The following DCPS variants were observed in gnomAD, a reference collection of about 807,000 sequenced individuals.
The protein encoded by DCPS is m7GpppX diphosphatase.
A neutral mutation model predicts 34.7 loss-of-function variants in DCPS; 27 were observed. That is an observed-to-expected ratio of 0.78 (90% CI 0.57 to 1.07). DCPS has a LOEUF of 1.07. Among genes scored for constraint, DCPS ranks in the 50% least tolerant of loss-of-function variants. The probability of loss-of-function intolerance (pLI) is 0.00; values close to 1 mark genes in which losing one functional copy is unlikely to be tolerated. For missense variants in DCPS, 464 were observed against 436.9 expected, an observed-to-expected ratio of 1.06 and a Z score of -0.55; for synonymous variants, 185 against 185.7, an observed-to-expected ratio of 1.00 and a Z score of 0.03.
At chr11:126,330,653 C>T (rs1951776164) in intron 2 of DCPS, among the ~76,000 whole-genome samples, 1 of 139,750 alleles carries the variant, frequency 7.2e-6, no homozygotes, top group Non-Finnish European at 1.5e-5. Flanking sequence ...CTCTGCTGCA[C>T]TGCCCATCAT....
In DCPS at chr11:126,322,719, A is replaced by T. The variant is rs1270646768; in HGVS notation, c.377-8686A>T. Among the ~76,000 whole-genome samples the T allele has an allele frequency of 6.6e-6, 1 of 151,702 alleles. No individual in the cohort carries two copies. The highest frequency in any genetic ancestry group is 1.5e-5 in the Non-Finnish European group (1 of 67,992). Reference sequence around the variant, plus strand: ...GTGATTCTCCTGCCTCAGCTTCCTGAGTAGCTGGGACTACAGGCGCGTGCC... The same window carrying T: ...GTGATTCTCCTGCCTCAGCTTCCTGTGTAGCTGGGACTACAGGCGCGTGCC... On this transcript the variant is annotated intron_variant, in intron 2 of 5. Coordinates refer to ENST00000263579, the MANE Select transcript of DCPS (RefSeq NM_014026.6). The surrounding 1 kb of genome is among the most constrained non-coding windows in gnomAD (Gnocchi z 4.2).
At chr11:126,308,787 ATTC>A (rs1951594595) in intron 2 of DCPS, among the ~76,000 whole-genome samples, 1 of 148,788 alleles carries the variant, frequency 6.7e-6, no homozygotes, top group Non-Finnish European at 1.5e-5. Context: ...ACCCTGTGGA[ATTC>A]ACAGGCTGTC....
In DCPS at chr11:126,333,063, G is replaced by A. The variant is rs529936192; in HGVS notation, c.522+1513G>A. The stretch of plus-strand genomic sequence containing the variant: ...TTGCCATGTTGCTCAGGCTGGCCTC[G>A]AACTCCTGAGCTCAGGCAGTCCGCC... On this transcript the variant is annotated intron_variant, in intron 3 of 5. Transcript: ENST00000263579. The surrounding 1 kb of genome is among the most constrained non-coding windows in gnomAD (Gnocchi z 5.7). 1.4e-4 allele frequency among the ~76,000 whole-genome samples: 22 copies of A among 152,074 alleles called. No individual in the cohort carries two copies. The highest frequency in any genetic ancestry group is 7.7e-4 in the East Asian group (4 of 5,168).
chr11:126,332,358 T>C lies in DCPS; in HGVS notation c.522+808T>C, dbSNP rs1481481038. 1.3e-5 allele frequency among the ~76,000 whole-genome samples: 2 copies of C among 152,210 alleles called. No individual in the cohort carries two copies. The highest frequency in any genetic ancestry group is 4.8e-5 in the African/African-American group (2 of 41,454). On this transcript the variant is annotated intron_variant, in intron 3 of 5. Transcript: ENST00000263579. This position sits in a 1 kb window ranked among gnomAD's most constrained non-coding sequence, Gnocchi z 5.4. ...GAGCCTCTGCCTGGAACTGGCCCCA[T>C]GTGAGTACTCAGAGTTAAATATGAC...
rs1325364896 is a variant in DCPS, at chr11:126,348,486, G to C, written c.*2873G>C. Among the ~76,000 whole-genome samples the C allele has an allele frequency of 6.6e-6, 1 of 152,204 alleles. No individual in the cohort carries two copies. The highest frequency in any genetic ancestry group is 1.5e-5 in the Non-Finnish European group (1 of 68,032). On this transcript the variant is annotated 3_prime_UTR_variant, in exon 6 of 6. Transcript: ENST00000263579. The surrounding 1 kb of genome is among the most constrained non-coding windows in gnomAD (Gnocchi z 5.3). ...TGCTGTAATCTCCAGGGACCCTGCC[G>C]GCCACGGCCCCCATGCAGCTCCCTC...
In DCPS at chr11:126,327,484, T is replaced by C. The variant is rs543799186; in HGVS notation, c.377-3921T>C. Among the ~76,000 whole-genome samples, 2 of 152,310 alleles carry C rather than the reference T, an allele frequency of 1.3e-5. No individual in the cohort carries two copies. The highest frequency in any genetic ancestry group is 1.3e-4 in the Admixed American group (2 of 15,300). Reference sequence around the variant, plus strand: ...TTCCCTTTGTAATTAATAAGTAATCTATGGGAGATATTTTTGAGACTGTGC... The same window carrying C: ...TTCCCTTTGTAATTAATAAGTAATCCATGGGAGATATTTTTGAGACTGTGC... On this transcript the variant is annotated intron_variant, in intron 2 of 5. Coordinates refer to ENST00000263579, the MANE Select transcript of DCPS (RefSeq NM_014026.6). This position sits in a 1 kb window ranked among gnomAD's most constrained non-coding sequence, Gnocchi z 4.1.
intron 2 of DCPS, among the ~76,000 whole-genome samples, chr11:126,330,545 C>T (rs1211618534): frequency 6.6e-6 from 1 of 151,506 alleles, no homozygotes; most frequent in Non-Finnish European, 1.5e-5. Context: ...CTGAACCGTG[C>T]TCCCGGGTGG....
rs1237569337 is a variant in DCPS, at chr11:126,335,119, G to C, written c.523-3167G>C. 6.6e-6 allele frequency among the ~76,000 whole-genome samples: 1 copy of C among 152,260 alleles called. No homozygotes were observed. The highest frequency in any genetic ancestry group is 1.5e-5 in the Non-Finnish European group (1 of 68,042). On this transcript the variant is annotated intron_variant, in intron 3 of 5. Transcript: ENST00000263579. This position sits in a 1 kb window ranked among gnomAD's most constrained non-coding sequence, Gnocchi z 4.8. The stretch of plus-strand genomic sequence containing the variant: ...AGAGGGACAGGCACAGCAATGGGCA[G>C]AGCTAAGACACCTGGGAGACGTGGC...
In DCPS at chr11:126,327,395, G is replaced by T. The variant is rs1004308823; in HGVS notation, c.377-4010G>T. On this transcript the variant is annotated intron_variant, in intron 2 of 5. Coordinates refer to ENST00000263579, the MANE Select transcript of DCPS (RefSeq NM_014026.6). This position sits in a 1 kb window ranked among gnomAD's most constrained non-coding sequence, Gnocchi z 4.1. ...ACATGATGTCGGCGTGCCCAGCAGG[G>T]GTGACGGTGACGCCCATGGCCTGGC... Among the ~76,000 whole-genome samples, 3 of 152,210 alleles carry T rather than the reference G, an allele frequency of 2.0e-5. No individual in the cohort carries two copies. The highest frequency in any genetic ancestry group is 7.2e-5 in the African/African-American group (3 of 41,448).
At chr11:126,305,159 C>T (rs1160853700) in intron 1 of DCPS, among the ~76,000 whole-genome samples, 3 of 152,154 alleles carry the variant, frequency 2.0e-5, no homozygotes, top group Admixed American at 2.0e-4. Flanking sequence ...GTCACCCAGG[C>T]TAGAGTGCAG....
rs115907568 is a variant in DCPS, at chr11:126,315,207, C to T, written c.376+8463C>T. Among the ~76,000 whole-genome samples the T allele has an allele frequency of 3.6e-3, 544 of 152,054 alleles. 4 individuals carry two copies. The highest frequency in any genetic ancestry group is 0.012 in the African/African-American group (480 of 41,404). ...GCCAAACCCCTGCGAGACAATTTAC[C>T]TGTAAACAAAGCTGTACATGTACCC... On this transcript the variant is annotated intron_variant, in intron 2 of 5. Coordinates refer to ENST00000263579, the MANE Select transcript of DCPS (RefSeq NM_014026.6). The surrounding 1 kb of genome is among the most constrained non-coding windows in gnomAD (Gnocchi z 6.1).
intron 5 of DCPS, among the ~76,000 whole-genome samples, chr11:126,343,825 T>C (rs1951896410): frequency 6.6e-6 from 1 of 152,240 alleles, no homozygotes; most frequent in African/African-American, 2.4e-5. Context: ...CTTGTCTAGA[T>C]TGAAGACAGG....
chr11:126,341,209 C>A (rs1461841243), intron 4 of DCPS: 1 of 152,242 alleles, frequency 6.6e-6, no homozygotes, highest in African/African-American at 2.4e-5. Flanking sequence ...TCCAACGCTC[C>A]AGCAATTCTC....
rs637462 is a variant in DCPS, at chr11:126,306,683, G to A, written c.315G>A (p.Gln105=). 1,346,525 of 1,613,254 alleles carry A rather than the reference G, an allele frequency of 0.83. 564,619 individuals are homozygous for A. The highest frequency in any genetic ancestry group is 1 in the East Asian group (44,806 of 44,830). ...AQLLTGSPEL[Q]LQFSNDIYST... ...TCCTGACGGGCAGCCCTGAGCTCCA[G>A]TTGCAGTTCTCCAATGATATCTACA... Residue 105 remains glutamine (Q), a synonymous_variant, in exon 2 of 6, where the codon CAG becomes CAA. Transcript: ENST00000263579.
chr11:126,309,017 C>T (rs1951597450), intron 2 of DCPS, among the ~76,000 whole-genome samples: 1 of 146,126 alleles, frequency 6.8e-6, no homozygotes, highest in Admixed American at 7.0e-5. Flanking sequence ...CTTTTCTTTT[C>T]CTGCCCCTTT....
At chr11:126,340,829 G>T (rs1174525280) in intron 4 of DCPS, 1 of 152,208 alleles carries the variant, frequency 6.6e-6, no homozygotes, top group Non-Finnish European at 1.5e-5. Flanking sequence ...TAGAGACTGT[G>T]CCTCCTTAGA....
Position 126,345,246 on chromosome 11 carries a change from G to A in DCPS, c.748-101G>A. ...GGAGGGTTTTTGTGAGCTGTCCCAG[G>A]CCAATCCAGGATTCAGATGGGAGGA... On this transcript the variant is annotated intron_variant, in intron 5 of 5. Coordinates refer to ENST00000263579, the MANE Select transcript of DCPS (RefSeq NM_014026.6). The surrounding 1 kb of genome is among the most constrained non-coding windows in gnomAD (Gnocchi z 7.4). The A allele has an allele frequency of 1.3e-6, 2 of 1,529,452 alleles. No individual in the cohort carries two copies. Among genetic ancestry groups the A allele is most frequent in the Non-Finnish European group, 1.8e-6 (2 of 1,131,070 alleles). 94.7% of individuals were successfully genotyped at this position (1,529,452 alleles called of 1,614,324 possible). A position where few individuals can be genotyped will look rare whatever the true frequency, so the allele number is the denominator to read the frequency against.
chr11:126,307,972 T>C (rs1951587608), intron 2 of DCPS, among the ~76,000 whole-genome samples: 1 of 152,144 alleles, frequency 6.6e-6, no homozygotes. Context: ...GGCCAGTGTG[T>C]CTGGTGCTGC....
rs1951815279 is a variant in DCPS, at chr11:126,334,377, C to G, written c.522+2827C>G. On this transcript the variant is annotated intron_variant, in intron 3 of 5. Coordinates refer to ENST00000263579, the MANE Select transcript of DCPS (RefSeq NM_014026.6). This position sits in a 1 kb window ranked among gnomAD's most constrained non-coding sequence, Gnocchi z 5.5. ...TTTATTTTTGAGATGGAGTTTCACT[C>G]TTGTTGCCCAAGCTGGAGTGCAATG... 6.6e-6 allele frequency among the ~76,000 whole-genome samples: 1 copy of G among 152,084 alleles called. No homozygotes were observed. The highest frequency in any genetic ancestry group is 2.4e-5 in the African/African-American group (1 of 41,404).
Sources: allele counts gnomAD v4.1 joint callset (sites outside exome capture counted in the v4.1 genomes callset), GRCh38; gene constraint gnomAD v4.1.1; non-coding constraint Gnocchi (gnomAD v3.1); transcripts MANE v1.5; gene names NCBI Gene and HGNC (gene_info 2026-07-23, HGNC 2026-07-21).